Variants in LUZP2 observed in about 807,000 individuals in gnomAD.
The protein encoded by LUZP2 is leucine zipper protein 2.
Under a neutral mutation model 51.6 loss-of-function variants are expected in LUZP2, and 52 were observed. That is an observed-to-expected ratio of 1.01 (90% CI 0.81 to 1.27). LUZP2 has a LOEUF of 1.27. LUZP2 is among the 50% of genes most tolerant of loss of function. The pLI, the probability that LUZP2 is intolerant of heterozygous loss-of-function variation, is 0.00. For synonymous variants in LUZP2, 154 were observed against 137.3 expected, an observed-to-expected ratio of 1.12 and a Z score of -0.85; for missense variants, 436 against 395.4, an observed-to-expected ratio of 1.10 and a Z score of -0.87.
At chr11:24,511,578 T>C (rs1041649911) in intron 1 of LUZP2, among the ~76,000 whole-genome samples, 33 of 152,154 alleles carry the variant, frequency 2.2e-4, no homozygotes, top group Admixed American at 1.4e-3. Flanking sequence ...AATCTTTATG[T>C]GACTAGATAT....
chr11:24,711,490 T>TAAATAAATAAAG (rs751978955), intron 1 of LUZP2, among the ~76,000 whole-genome samples: 2 of 150,302 alleles, frequency 1.3e-5, no homozygotes, highest in African/African-American at 4.9e-5. Flanking sequence ...AATAAATAAA[T>TAAATAAATAAAG]AAAGATTTTC....
chr11:24,944,894 G>A (rs1002982834), intron 7 of LUZP2, among the ~76,000 whole-genome samples: 12 of 152,174 alleles, frequency 7.9e-5, no homozygotes, highest in Non-Finnish European at 1.5e-4. Context: ...TTTAAAAGCT[G>A]TGGTGAATTT....
In LUZP2 at chr11:24,730,428, A is replaced by C. The variant is rs989387168; in HGVS notation, c.180+1142A>C. Among the ~76,000 whole-genome samples, 14 of 151,744 alleles carry C rather than the reference A, an allele frequency of 9.2e-5. No individual in the cohort carries two copies. In the South Asian group the frequency reaches 1.9e-3, roughly 20 times the overall value. On this transcript the variant is annotated intron_variant, in intron 2 of 11. Transcript: ENST00000336930. ...AGAGCAAAAAAAAAAAATTATACAC[A>C]ACCCAGTAGGACACAGAGATGGTAT... is the stretch of plus-strand genomic sequence containing the variant.
chr11:24,521,399 T>G (rs1350898711), intron 1 of LUZP2, among the ~76,000 whole-genome samples: 1 of 147,244 alleles, frequency 6.8e-6, no homozygotes, highest in Non-Finnish European at 1.5e-5. Flanking sequence ...AGAAAATAGA[T>G]TGTTTTAGAG....
intron 5 of LUZP2, among the ~76,000 whole-genome samples, chr11:24,879,333 G>C (rs1314322825): frequency 2.6e-5 from 4 of 152,136 alleles, no homozygotes. Flanking sequence ...TGGCATTTTA[G>C]TTGGTTCCAT....
chr11:24,776,602 T>A (rs1228486791), intron 5 of LUZP2, among the ~76,000 whole-genome samples: 1 of 152,190 alleles, frequency 6.6e-6, no homozygotes. Context: ...TAATCATTGC[T>A]GTTCCCAAGT....
intron 10 of LUZP2, among the ~76,000 whole-genome samples, chr11:25,074,009 A>T (rs1173610651): frequency 6.6e-6 from 1 of 152,214 alleles, no homozygotes; most frequent in African/African-American, 2.4e-5. Context: ...GATAAGTATC[A>T]GAGCTAAAAC....
At chr11:24,697,438 G>A (rs1857283517) in intron 1 of LUZP2, among the ~76,000 whole-genome samples, 1 of 152,158 alleles carries the variant, frequency 6.6e-6, no homozygotes, top group Non-Finnish European at 1.5e-5. Flanking sequence ...AACTTCCTTT[G>A]CAAAAATTAT....
At chr11:24,967,530 T>C (rs1855621499) in intron 7 of LUZP2, among the ~76,000 whole-genome samples, 1 of 151,962 alleles carries the variant, frequency 6.6e-6, no homozygotes, top group Non-Finnish European at 1.5e-5. Flanking sequence ...AAGTGGTTAA[T>C]ATTATTGTAA....
intron 1 of LUZP2, among the ~76,000 whole-genome samples, chr11:24,685,219 C>A (rs1856862706): frequency 6.6e-6 from 1 of 152,042 alleles, no homozygotes. Flanking sequence ...ACTTTCTTAC[C>A]AAAGCTGCCA....
At chr11:24,920,492 C>G (rs1274667771) in intron 7 of LUZP2, among the ~76,000 whole-genome samples, 1 of 151,976 alleles carries the variant, frequency 6.6e-6, no homozygotes, top group Admixed American at 6.6e-5. Flanking sequence ...TCTGCACTCA[C>G]AGGTTTATCA....
At chr11:24,667,060 A>T (rs1173395449) in intron 1 of LUZP2, among the ~76,000 whole-genome samples, 2 of 152,184 alleles carry the variant, frequency 1.3e-5, no homozygotes, top group East Asian at 3.8e-4. Flanking sequence ...CATTCCTTAA[A>T]AACAGTACAG....
chr11:24,849,513 T>C (rs1851319486), intron 5 of LUZP2, among the ~76,000 whole-genome samples: 1 of 152,184 alleles, frequency 6.6e-6, no homozygotes, highest in Admixed American at 6.6e-5. Context: ...CCACATTTTC[T>C]TCATAGTCTA....
chr11:24,602,132 GTGTATATATGTATATATGTATATA>G (rs879918645), intron 1 of LUZP2, among the ~76,000 whole-genome samples: 1 of 73,560 alleles, frequency 1.4e-5, no homozygotes, highest in African/African-American at 6.4e-5. Flanking sequence ...ATATGTATAT[GTGTATATATGTATATATGTATATA>G]TGTATATATG....
rs1289150484 is a variant in LUZP2 at position 24,914,614 on chromosome 11, A to C, written c.522+76A>C. The C allele has an allele frequency of 2.7e-5, 27 of 1,004,256 alleles. 1 individual carries two copies. The Admixed American group carries it at 7.7e-4, about 29-fold the overall frequency. 62.2% of individuals were successfully genotyped at this position (1,004,256 alleles called of 1,614,324 possible). ...AATATCAAAAACATTATTTAGGTTA[A>C]ATTTATTTTCTGGAATTTCTCATGA... On this transcript the variant is annotated intron_variant, in intron 7 of 11. Coordinates refer to ENST00000336930, the MANE Select transcript of LUZP2 (RefSeq NM_001009909.4).
intron 5 of LUZP2, among the ~76,000 whole-genome samples, chr11:24,863,474 A>T (rs1056169453): frequency 6.6e-6 from 1 of 152,116 alleles, no homozygotes. Flanking sequence ...TCATTACTCC[A>T]TTCATGTGAA....
At chr11:24,902,716 G>T (rs1042292295) in intron 5 of LUZP2, among the ~76,000 whole-genome samples, 1 of 152,108 alleles carries the variant, frequency 6.6e-6, no homozygotes, top group Non-Finnish European at 1.5e-5. Context: ...TTAGTCTTTT[G>T]TTGTGTATAT....
At chr11:24,891,040 A>G in intron 5 of LUZP2, 2 of 984,190 alleles carry the variant, frequency 2.0e-6, no homozygotes, top group Non-Finnish European at 2.4e-6. Flanking sequence ...AAGGAACTCA[A>G]ATGTTAAAAA....
chr11:24,918,234 C>T (rs180783701), intron 7 of LUZP2, among the ~76,000 whole-genome samples: 22 of 152,048 alleles, frequency 1.4e-4, no homozygotes, highest in Admixed American at 1.4e-3. Context: ...GGAGATTTTG[C>T]GCTGAGACGA....
Sources: allele counts gnomAD v4.1 joint callset (sites outside exome capture counted in the v4.1 genomes callset), GRCh38; gene constraint gnomAD v4.1.1; transcripts MANE v1.5; gene names NCBI Gene and HGNC (gene_info 2026-07-23, HGNC 2026-07-21).